Variants in FCGR3B observed in about 807,000 individuals in gnomAD.
FCGR3B encodes the protein low affinity immunoglobulin gamma Fc region receptor III-B.
Under a neutral mutation model 26.7 loss-of-function variants are expected in FCGR3B, and 20 were observed. The observed-to-expected ratio is 0.75, with a 90% CI of 0.53 to 1.09. The LOEUF (loss-of-function observed/expected upper bound fraction) is 1.09. FCGR3B is among the 50% of genes least tolerant of loss of function. The pLI is 0.00. For missense variants in FCGR3B, 191 were observed against 279.7 expected, an observed-to-expected ratio of 0.68 and a Z score of 2.26; for synonymous variants, 79 against 107.0, an observed-to-expected ratio of 0.74 and a Z score of 1.62.
At chr1:161,630,300 A>C (rs1679673080) in intron 2 of FCGR3B, 68 bp downstream of exon 2, 2 of 1,511,384 alleles carry the variant, frequency 1.3e-6, no homozygotes, top group Non-Finnish European at 9.1e-7. Context: ...AGCATTTCCC[A>C]ATATCTTATG....
intron 3 of FCGR3B, among the ~76,000 whole-genome samples, chr1:161,628,188 G>A (rs1481930389): frequency 6.7e-6 from 1 of 150,070 alleles, no homozygotes; most frequent in Non-Finnish European, 1.5e-5. Context: ...CAGGAGAATC[G>A]CTGGAACCAG....
chr1:161,629,881 C>T lies in FCGR3B; in HGVS notation c.216G>A (p.Ser72=), dbSNP rs746765344. ...CTGTGGCAGCGTCAATGAAGTAGCT[C>T]GAGGCCTGGCTTGAGATGAGGTTCT... is the stretch of plus-strand genomic sequence containing the variant. ...HNENLISSQA[S]SYFIDAATVN... is the part of the protein sequence containing the mutation. The change falls in exon 3 of 5, where the codon TCG becomes TCA. Residue 72 remains serine (S), a synonymous_variant. Transcript: ENST00000650385. 7.3e-6 allele frequency: 11 copies of T among 1,498,178 alleles called. 1 individual carries two copies. The highest frequency in any genetic ancestry group is 4.8e-5 in the South Asian group (4 of 83,946). The allele number at this position is 1,498,178 out of a possible 1,614,324, so 92.8% of individuals were successfully genotyped here.
chr1:161,628,569 G>T lies in FCGR3B; in HGVS notation c.319+1209C>A, dbSNP rs1273352566. ...GGACATCTCTTACCTAGCTAGAAAT[G>T]GACATACCTTCTTGTAGCTCTGGAG... On this transcript the variant is annotated intron_variant, in intron 3 of 4. Transcript: ENST00000650385. 2.7e-5 allele frequency among the ~76,000 whole-genome samples: 4 copies of T among 148,652 alleles called. 1 individual carries two copies. Among genetic ancestry groups the T allele is most frequent in the African/African-American group, 7.6e-5 (3 of 39,688 alleles).
chr1:161,631,244 A>G, upstream of FCGR3B: 1 of 1,543,734 alleles, frequency 6.5e-7, no homozygotes, highest in Non-Finnish European at 8.8e-7. Context: ...ACTTCATCTG[A>G]TTTCTCAATC....
Position 161,628,100 on chromosome 1 carries a change from T to G in FCGR3B, c.319+1678A>C, listed in dbSNP as rs536562026. On this transcript the variant is annotated intron_variant, in intron 3 of 4. Coordinates refer to ENST00000650385, the MANE Select transcript of FCGR3B (RefSeq NM_001244753.2). ...CATCCTGGCTAATGCCGTGAAACCC[T>G]GTCTCTACTAAAAATACAAAAAATT... 1.3e-5 allele frequency among the ~76,000 whole-genome samples: 2 copies of G among 149,678 alleles called. 1 individual carries two copies. Among genetic ancestry groups the G allele is most frequent in the African/African-American group, 5.0e-5 (2 of 40,122 alleles).
At chr1:161,630,704 C>T in intron 1 of FCGR3B, 2 of 540,732 alleles carry the variant, frequency 3.7e-6, no homozygotes, top group Non-Finnish European at 6.5e-6. Flanking sequence ...AACCCATATC[C>T]CCACAAGAAA....
In FCGR3B at chr1:161,626,417, G is replaced by C. The variant is rs752445833; in HGVS notation, c.320-15C>G. 1 of 1,608,428 alleles carries C rather than the reference G, an allele frequency of 6.2e-7. No individual in the cohort carries two copies. Among genetic ancestry groups the C allele is most frequent in the African/African-American group, 1.4e-5 (1 of 73,178 alleles). ...CAACAGCCAGCCTGAAAGACACAGA[G>C]ACACCCCAGGCCCGGGAGGCCTCAG... On this transcript the variant is annotated splice_polypyrimidine_tract_variant and intron_variant, in intron 3 of 4. Coordinates refer to ENST00000650385, the MANE Select transcript of FCGR3B (RefSeq NM_001244753.2).
intron 3 of FCGR3B, among the ~76,000 whole-genome samples, chr1:161,628,118 A>G (rs758963198): frequency 1.3e-5 from 2 of 149,692 alleles, no homozygotes; most frequent in African/African-American, 2.5e-5. Flanking sequence ...CTAAAAATAC[A>G]AAAAATTAGC....
chr1:161,626,968 G>T (rs1356494388), intron 3 of FCGR3B, among the ~76,000 whole-genome samples: 4 of 149,952 alleles, frequency 2.7e-5, no homozygotes, highest in South Asian at 2.1e-4. Flanking sequence ...GGGACTGGTA[G>T]TGCTCAGAGT....
rs148717049 is a variant in FCGR3B at position 161,624,762 on chromosome 1, T to C, written c.578-123A>G. ...GCCAACAGGCAAGTGGTAGGAATGGTGGGGAGGTCTGGGGGAAAGTATTGC... is the reference window on the plus strand; with the variant it reads ...GCCAACAGGCAAGTGGTAGGAATGGCGGGGAGGTCTGGGGGAAAGTATTGC... On this transcript the variant is annotated intron_variant, in intron 4 of 4. Coordinates refer to ENST00000650385, the MANE Select transcript of FCGR3B (RefSeq NM_001244753.2). 4,492 of 917,208 alleles carry C rather than the reference T, an allele frequency of 4.9e-3. 377 individuals are homozygous for C. In the African/African-American group the frequency reaches 0.062, roughly 13 times the overall value. 56.8% of individuals were successfully genotyped at this position (917,208 alleles called of 1,614,324 possible).
In FCGR3B at chr1:161,624,445, A is replaced by T. The variant is rs1679358174; in HGVS notation, c.*70T>A. On this transcript the variant is annotated 3_prime_UTR_variant, in exon 5 of 5. Coordinates refer to ENST00000650385, the MANE Select transcript of FCGR3B (RefSeq NM_001244753.2). ...CCACTGCTCTTATTACCCCCATGGG[A>T]TGGGGGTCATGTGTCTTGAGGGTCC... 17 of 1,529,444 alleles carry T rather than the reference A, an allele frequency of 1.1e-5. 1 individual carries two copies. Among genetic ancestry groups the T allele is most frequent in the Non-Finnish European group, 1.4e-5 (16 of 1,118,272 alleles). 94.7% of individuals were successfully genotyped at this position (1,529,444 alleles called of 1,614,324 possible). A position where few individuals can be genotyped will look rare whatever the true frequency, so the allele number is the denominator to read the frequency against.
intron 4 of FCGR3B, among the ~76,000 whole-genome samples, chr1:161,625,861 G>C (rs1177598514): frequency 6.8e-6 from 1 of 147,994 alleles, no homozygotes; most frequent in Non-Finnish European, 1.5e-5. Context: ...GGTAAGGAAA[G>C]ACAGAGGTAT....
chr1:161,626,538 T>C, intron 3 of FCGR3B, 136 bp from the exon 4 acceptor site: 1 of 801,530 alleles, frequency 1.2e-6, no homozygotes, highest in Non-Finnish European at 1.9e-6. Flanking sequence ...ATAGCTCCCT[T>C]TGGGGAAGAG....
intron 3 of FCGR3B, among the ~76,000 whole-genome samples, chr1:161,626,605 A>G (rs1243168501): frequency 1.3e-5 from 2 of 148,230 alleles, no homozygotes; most frequent in African/African-American, 5.1e-5. Context: ...CTAATGGGGA[A>G]GAGGGACACA....
upstream of FCGR3B, chr1:161,631,407 T>C (rs563411267): frequency 9.8e-4 from 569 of 580,770 alleles, 19 homozygotes; most frequent in East Asian, 8.6e-3. Flanking sequence ...TGCCCTCAGC[T>C]TTCCCAGGAT....
At position 161,628,163 on chromosome 1, in the gene FCGR3B, G is replaced by C. The variant is rs140127885; in HGVS notation, c.319+1615C>G. Among the ~76,000 whole-genome samples the C allele has an allele frequency of 6.0e-3, 904 of 149,880 alleles. 73 individuals are homozygous for C. Among genetic ancestry groups the C allele is most frequent in the African/African-American group, 0.019 (770 of 40,228 alleles). ...TGGCATGCACCTGTAGTCCCAGCTA[G>C]TTGGGAGGCTGAAGCAGGAGAATCG... On this transcript the variant is annotated intron_variant, in intron 3 of 4. Transcript: ENST00000650385.
At chr1:161,630,854 C>T (rs1271666274) in intron 1 of FCGR3B, 2 of 1,300,618 alleles carry the variant, frequency 1.5e-6, no homozygotes, top group South Asian at 1.7e-5. Flanking sequence ...TGGCCTCACT[C>T]ATGACTATGA....
intron 3 of FCGR3B, among the ~76,000 whole-genome samples, chr1:161,627,754 T>C (rs577802668): frequency 6.7e-6 from 1 of 150,262 alleles, no homozygotes; most frequent in East Asian, 1.9e-4. Flanking sequence ...GTATATTCCT[T>C]CAAGTGATAT....
At position 161,626,398 on chromosome 1, in the gene FCGR3B, C is replaced by G; in HGVS notation, c.324G>C (p.Trp108Cys). ...DPVQLEVHIG[W>C]LLLQAPRWVF... ...CCCACCGAGGGGCCTGGAGCAACAG[C>G]CAGCCTGAAAGACACAGAGACACCC... The change falls in exon 4 of 5, where the codon TGG (tryptophan) becomes TGC (cysteine). Residue 108 changes from tryptophan (W) to cysteine (C), a missense_variant. Physicochemically the swap from Trp to Cys is radical, Grantham distance 215. Around this residue, in one of 2 missense-constraint regions of FCGR3B, gnomAD observed 88 missense variants for 165.2 expected, o/e 0.53. Coordinates refer to ENST00000650385, the MANE Select transcript of FCGR3B (RefSeq NM_001244753.2). The G allele has an allele frequency of 6.2e-7, 1 of 1,609,098 alleles. No homozygotes were observed. Among genetic ancestry groups the G allele is most frequent in the Non-Finnish European group, 8.5e-7 (1 of 1,178,106 alleles).
Sources: allele counts gnomAD v4.1 joint callset (sites outside exome capture counted in the v4.1 genomes callset), GRCh38; gene constraint gnomAD v4.1.1; regional missense constraint gnomAD v4.1.1; transcripts MANE v1.5; gene names NCBI Gene and HGNC (gene_info 2026-07-23, HGNC 2026-07-21).